The following TBCCD1 variants were observed in gnomAD, a reference collection of about 807,000 sequenced individuals.
The protein encoded by TBCCD1 is TBCC domain-containing protein 1.
Under a neutral mutation model 53.4 loss-of-function variants are expected in TBCCD1, and 26 were observed. The observed-to-expected ratio is 0.49, with a 90% CI of 0.36 to 0.68. TBCCD1 has a LOEUF of 0.68. TBCCD1 is among the 30% of genes least tolerant of loss of function. The pLI, the probability that TBCCD1 is intolerant of heterozygous loss-of-function variation, is 0.00. For synonymous variants in TBCCD1, 245 were observed against 241.7 expected (o/e 1.01, Z -0.13); for missense variants, 558 against 669.5 (o/e 0.83, Z 1.84).
intron 2 of TBCCD1, among the ~76,000 whole-genome samples, chr3:186,561,949 T>C (rs185599170): frequency 1.8e-3 from 276 of 152,348 alleles, no homozygotes; most frequent in African/African-American, 6.2e-3. Flanking sequence ...TTATTGATAA[T>C]GGCCAAGATA....
At chr3:186,550,119 T>C (rs899763965) in intron 7 of TBCCD1, among the ~76,000 whole-genome samples, 2 of 148,304 alleles carry the variant, frequency 1.3e-5, no homozygotes, top group Non-Finnish European at 3.0e-5. Flanking sequence ...CTCAGCTACT[T>C]GGTAGGCTGA....
rs767253663 is a variant in TBCCD1, at chr3:186,558,483, C to G, written c.426G>C (p.Glu142Asp). Residue 142 changes from glutamate (E) to aspartate (D), a missense_variant, in exon 3 of 8, where the codon GAG becomes GAC. Glu to Asp is a conservative substitution (Grantham distance 45). Transcript: ENST00000338733. ...GAGATTTGTTTCTGGGACTGGGCCA[C>G]TCTTCGCCAATCAAAGATGTCCTTA... Reference protein sequence around the residue: ...VSLRTSLIGEEWPSPRNKSQS... With the variant: ...VSLRTSLIGEDWPSPRNKSQS... The G allele has an allele frequency of 1.2e-6, 2 of 1,614,094 alleles. No homozygotes were observed. The highest frequency in any genetic ancestry group is 3.3e-5 in the Admixed American group (2 of 60,014).
chr3:186,549,363 TTAATAA>T (rs1379934896), intron 7 of TBCCD1, among the ~76,000 whole-genome samples: 5 of 151,814 alleles, frequency 3.3e-5, no homozygotes, highest in African/African-American at 1.2e-4. Flanking sequence ...ATAAATTCTA[TTAATAA>T]TAAGTGAAAC....
intron 7 of TBCCD1, among the ~76,000 whole-genome samples, chr3:186,547,284 G>A (rs1714241829): frequency 1.3e-5 from 2 of 149,456 alleles, no homozygotes; most frequent in Non-Finnish European, 3.0e-5. Context: ...AAGAGATAGG[G>A]TCTCGCTCTG....
At chr3:186,566,103 TC>T (rs1208521862) in intron 1 of TBCCD1, among the ~76,000 whole-genome samples, 1 of 152,042 alleles carries the variant, frequency 6.6e-6, no homozygotes, top group Non-Finnish European at 1.5e-5. Flanking sequence ...AATAGCTCGA[TC>T]TCGGCTCATT....
intron 2 of TBCCD1, among the ~76,000 whole-genome samples, 175 bp from the exon 3 acceptor site, chr3:186,558,747 CTTTTT>C (rs879562542): frequency 6.7e-6 from 1 of 148,924 alleles, no homozygotes; most frequent in Non-Finnish European, 1.5e-5. Context: ...GTTTCTTTTT[CTTTTT>C]TTTTTGAGAC....
Position 186,558,127 on chromosome 3 carries a change from C to T in TBCCD1, c.492+290G>A, listed in dbSNP as rs115448681. Among the ~76,000 whole-genome samples, 852 of 152,208 alleles carry T rather than the reference C, an allele frequency of 5.6e-3. 10 individuals carry two copies. The highest frequency in any genetic ancestry group is 0.02 in the African/African-American group (820 of 41,522). ...TGCTCCTTAGTCACATAAGTTGATT[C>T]GCATTGATTGACATGTTGAAAACGG... On this transcript the variant is annotated intron_variant, in intron 3 of 7. Transcript: ENST00000338733.
intron 1 of TBCCD1, 143 bp downstream of exon 1, chr3:186,567,124 G>A (rs910272901): frequency 2.6e-5 from 4 of 152,274 alleles, no homozygotes; most frequent in Non-Finnish European, 5.9e-5. Context: ...CGTCGCGACC[G>A]GACTTCAGGA....
chr3:186,556,891 T>C, intron 3 of TBCCD1, 116 bp from the exon 4 acceptor site: 1 of 1,293,896 alleles, frequency 7.7e-7, no homozygotes, highest in Non-Finnish European at 1.1e-6. Context: ...AGGAATTAGG[T>C]AGTTATATAA....
chr3:186,570,416 CAAGCCGGAGGGA>C (rs1714985129), upstream of TBCCD1: 1 of 476,538 alleles, frequency 2.1e-6, no homozygotes, highest in African/African-American at 2.0e-5. Context: ...AGGAAGTGGG[CAAGCCGGAGGGA>C]TTTCGTGTAC....
chr3:186,560,873 C>A (rs546282362), intron 2 of TBCCD1, among the ~76,000 whole-genome samples: 2 of 152,140 alleles, frequency 1.3e-5, no homozygotes, highest in Non-Finnish European at 2.9e-5. Flanking sequence ...GAATACAAAA[C>A]GCAGAATAGT....
At position 186,564,039 on chromosome 3, in the gene TBCCD1, C is replaced by G. The variant is rs768173144; in HGVS notation, c.291G>C (p.Leu97=). Residue 97 remains leucine, a synonymous_variant, in exon 2 of 8, where the codon CTG becomes CTC. Coordinates refer to ENST00000338733, the MANE Select transcript of TBCCD1 (RefSeq NM_018138.5). ...PEERLEWSEV[L]SNCMSEEEVE... The stretch of plus-strand genomic sequence containing the variant: ...CTTCCTCCTCAGACATGCAGTTGGA[C>G]AGAACCTCAGACCATTCCAGGCGCT... 5 of 1,613,858 alleles carry G rather than the reference C, an allele frequency of 3.1e-6. No individual in the cohort carries two copies. In the East Asian group the frequency reaches 1.1e-4, roughly 36 times the overall value.
chr3:186,561,804 A>T (rs1256215733), intron 2 of TBCCD1, among the ~76,000 whole-genome samples: 5 of 152,140 alleles, frequency 3.3e-5, no homozygotes, highest in Non-Finnish European at 7.4e-5. Flanking sequence ...AAAAATAAAT[A>T]AATAGTATAG....
intron 2 of TBCCD1, among the ~76,000 whole-genome samples, chr3:186,559,732 T>G (rs910308586): frequency 6.6e-6 from 1 of 152,206 alleles, no homozygotes; most frequent in African/African-American, 2.4e-5. Flanking sequence ...TAATTGAACT[T>G]CTGAGATAAC....
intron 3 of TBCCD1, among the ~76,000 whole-genome samples, chr3:186,557,194 T>C (rs1714568712): frequency 1.3e-5 from 2 of 152,252 alleles, no homozygotes; most frequent in South Asian, 2.1e-4. Context: ...TCACCATTTA[T>C]TGGTGCTTAC....
At position 186,546,669 on chromosome 3, in the gene TBCCD1, A is replaced by C. The variant is rs1465445304; in HGVS notation, c.*308T>G. On this transcript the variant is annotated 3_prime_UTR_variant, in exon 8 of 8. Transcript: ENST00000338733. ...ACGGTGAAACCCCGTCTCTACTAAA[A>C]ATACAAAAAAAATTGGCCGGGCGTG... The C allele has an allele frequency of 6.6e-6, 1 of 152,210 alleles. No individual in the cohort carries two copies. The highest frequency in any genetic ancestry group is 2.4e-5 in the African/African-American group (1 of 41,410). The allele number at this position is 152,210 out of a possible 1,614,324, so 9.4% of individuals were successfully genotyped here. A position where few individuals can be genotyped will look rare whatever the true frequency, so the allele number is the denominator to read the frequency against.
At chr3:186,568,923 G>GAAAAAA (rs1192524819), upstream of TBCCD1, among the ~76,000 whole-genome samples, 463 of 114,436 alleles carry the variant, frequency 4.0e-3, 5 homozygotes, top group Non-Finnish European at 5.2e-3. Flanking sequence ...AAGAAATAAA[G>GAAAAAA]AAAAGAAAAC....
chr3:186,557,133 C>A (rs554606798), intron 3 of TBCCD1, among the ~76,000 whole-genome samples: 1 of 152,308 alleles, frequency 6.6e-6, no homozygotes, highest in East Asian at 1.9e-4. Context: ...CAAGTGTCCA[C>A]CCCGGTCCAA....
chr3:186,551,631 T>C (rs1714384601), intron 6 of TBCCD1, among the ~76,000 whole-genome samples: 1 of 152,198 alleles, frequency 6.6e-6, no homozygotes, highest in African/African-American at 2.4e-5. Flanking sequence ...GTGATCTGTG[T>C]AATCCATGCT....
Sources: allele counts gnomAD v4.1 joint callset (sites outside exome capture counted in the v4.1 genomes callset), GRCh38; gene constraint gnomAD v4.1.1; transcripts MANE v1.5; gene names NCBI Gene and HGNC (gene_info 2026-07-23, HGNC 2026-07-21).